The following ADAM12 variants were observed in gnomAD, a reference collection of about 807,000 sequenced individuals.
ADAM12 encodes the protein disintegrin and metalloproteinase domain-containing protein 12.
ADAM12 carries 70 observed loss-of-function variants against 106.4 expected under a neutral mutation model. The observed-to-expected ratio is 0.66, with a 90% confidence interval of 0.54 to 0.80. The LOEUF (loss-of-function observed/expected upper bound fraction) is 0.80. Among genes scored for constraint, ADAM12 ranks in the 30% least tolerant of loss-of-function variants. ADAM12 has a pLI of 0.00. For synonymous variants in ADAM12, 420 were observed against 433.5 expected, an observed-to-expected ratio of 0.97 and a Z score of 0.39; for missense variants, 1,010 against 1,171.9, an observed-to-expected ratio of 0.86 and a Z score of 2.02.
intron 21 of ADAM12, among the ~76,000 whole-genome samples, chr10:126,024,199 T>G (rs1164583999): frequency 6.6e-6 from 1 of 152,184 alleles, no homozygotes; most frequent in East Asian, 1.9e-4. Context: ...GGATACATAT[T>G]TATACAAAAA....
intron 1 of ADAM12, among the ~76,000 whole-genome samples, chr10:126,377,698 T>C (rs1244749382): frequency 6.6e-6 from 1 of 152,184 alleles, no homozygotes; most frequent in Non-Finnish European, 1.5e-5. Flanking sequence ...AAGTACGGGA[T>C]ACTGAGAACA....
intron 1 of ADAM12, among the ~76,000 whole-genome samples, chr10:126,336,716 G>A (rs923305418): frequency 6.6e-6 from 1 of 152,192 alleles, no homozygotes; most frequent in African/African-American, 2.4e-5. Flanking sequence ...GTGACACCAA[G>A]TGACACACAC....
intron 18 of ADAM12, chr10:126,041,658 A>G: frequency 1.0e-6 from 1 of 989,214 alleles, no homozygotes; most frequent in East Asian, 1.1e-4. Context: ...CTATTTTCAT[A>G]TAATAAATGC....
chr10:126,322,915 G>A (rs559928315), intron 2 of ADAM12, among the ~76,000 whole-genome samples: 35 of 152,114 alleles, frequency 2.3e-4, no homozygotes, highest in Non-Finnish European at 4.4e-4. Context: ...GGTTATATGA[G>A]GTCTGGTGCA....
At chr10:126,328,390 C>T (rs563350305) in intron 2 of ADAM12, among the ~76,000 whole-genome samples, 3 of 152,320 alleles carry the variant, frequency 2.0e-5, no homozygotes, top group African/African-American at 7.2e-5. Context: ...TGAAGATATA[C>T]TGCATGATTC....
At chr10:126,167,513 T>G (rs1957044887) in intron 3 of ADAM12, among the ~76,000 whole-genome samples, 1 of 152,244 alleles carries the variant, frequency 6.6e-6, no homozygotes, top group African/African-American at 2.4e-5. Flanking sequence ...AACGAGGAAC[T>G]GCATAAATCA....
chr10:126,118,438 G>C (rs1404969127), intron 5 of ADAM12, among the ~76,000 whole-genome samples: 5 of 152,090 alleles, frequency 3.3e-5, no homozygotes, highest in African/African-American at 1.2e-4. Context: ...ATTTTCTTCT[G>C]TTTGAAATAT....
intron 5 of ADAM12, among the ~76,000 whole-genome samples, chr10:126,121,339 C>T (rs1181588359): frequency 8.5e-6 from 1 of 117,340 alleles, no homozygotes; most frequent in East Asian, 2.4e-4. Flanking sequence ...TATATATTAT[C>T]TTACATGTAA....
chr10:126,256,920 A>AATGATGATG (rs35511415), intron 3 of ADAM12, among the ~76,000 whole-genome samples: 2 of 97,156 alleles, frequency 2.1e-5, no homozygotes, highest in Non-Finnish European at 4.4e-5. Flanking sequence ...TAATAATAAT[A>AATGATGATG]ATGATGATGA....
At chr10:126,125,920 T>C (rs1278313) in intron 5 of ADAM12, among the ~76,000 whole-genome samples, 118,507 of 150,976 alleles carry the variant, frequency 0.78, 46,853 homozygotes, top group African/African-American at 0.84. Flanking sequence ...AGTCAAGGCA[T>C]AGCAGGGATG....
rs770769845 is a variant in ADAM12, at chr10:126,101,084, G to A, written c.899C>T (p.Ala300Val). 5 of 1,613,806 alleles carry A rather than the reference G, an allele frequency of 3.1e-6. No individual in the cohort carries two copies. The highest frequency in any genetic ancestry group is 2.2e-5 in the South Asian group (2 of 91,036). ...KLLPRKSHDN[A>V]QLVSGVYFQG... is the part of the protein sequence containing the mutation. Reference sequence around the variant, plus strand: ...CGTAACTCCCTACCTGACAAGCTGCGCATTGTCATGGGATTTGCGAGGTAG... The same window carrying A: ...CGTAACTCCCTACCTGACAAGCTGCACATTGTCATGGGATTTGCGAGGTAG... The change falls in exon 9 of 23, where the codon GCG becomes GTG. Residue 300 changes from alanine to valine, a missense_variant. Transcript: ENST00000448723.
intron 2 of ADAM12, among the ~76,000 whole-genome samples, chr10:126,319,387 G>A (rs1208290747): frequency 1.3e-5 from 2 of 152,178 alleles, no homozygotes; most frequent in Non-Finnish European, 2.9e-5. Context: ...CATATGCACA[G>A]TATGTCCCCT....
intron 2 of ADAM12, among the ~76,000 whole-genome samples, chr10:126,288,421 G>C (rs1475085382): frequency 6.6e-6 from 1 of 152,100 alleles, no homozygotes; most frequent in African/African-American, 2.4e-5. Flanking sequence ...TTGGATCTTC[G>C]TGACAAAAAA....
At chr10:126,070,285 A>G (rs983772066) in intron 12 of ADAM12, 1 of 152,134 alleles carries the variant, frequency 6.6e-6, no homozygotes, top group African/African-American at 2.4e-5. Context: ...CCTCCAGACA[A>G]TGTCATTATC....
At chr10:126,307,418 A>G (rs1960895615) in intron 2 of ADAM12, among the ~76,000 whole-genome samples, 1 of 152,114 alleles carries the variant, frequency 6.6e-6, no homozygotes, top group South Asian at 2.1e-4. Flanking sequence ...CAATGGCACA[A>G]TCTCCACTCA....
In ADAM12 at chr10:126,341,738, C is replaced by T. The variant is rs1021038503; in HGVS notation, c.89-11229G>A. On this transcript the variant is annotated intron_variant, in intron 1 of 22. Coordinates refer to ENST00000448723, the MANE Select transcript of ADAM12 (RefSeq NM_001288973.2). ...TTCCTTCTCTGTTTAAGGATCCATG[C>T]CTGCTTCATTAGCTGAGGGGAAGCT... Among the ~76,000 whole-genome samples the T allele has an allele frequency of 4.6e-5, 7 of 152,220 alleles. No homozygotes were observed. The South Asian group carries it at 6.2e-4, about 14-fold the overall frequency.
intron 1 of ADAM12, among the ~76,000 whole-genome samples, chr10:126,382,698 G>A (rs185903869): frequency 1.4e-4 from 22 of 152,240 alleles, no homozygotes; most frequent in Non-Finnish European, 4.4e-5. Context: ...TATCAACAGA[G>A]AGCCAAAAAT....
intron 8 of ADAM12, among the ~76,000 whole-genome samples, 158 bp downstream of exon 8, chr10:126,108,435 C>T (rs550744458): frequency 1.3e-5 from 2 of 152,240 alleles, no homozygotes; most frequent in South Asian, 4.2e-4. Flanking sequence ...GAAGCTGCCC[C>T]AGGACCCAGG....
chr10:126,043,884 G>A lies in ADAM12; in HGVS notation c.1996-736C>T, dbSNP rs1014133521. On this transcript the variant is annotated intron_variant, in intron 17 of 22. Coordinates refer to ENST00000448723, the MANE Select transcript of ADAM12 (RefSeq NM_001288973.2). This position sits in a 1 kb window ranked among gnomAD's most constrained non-coding sequence, Gnocchi z 4.1. Reference sequence around the variant, plus strand: ...AATAAGAGAATGGTTCTGGCACGGCGGGAAAGGGAGACCAAGAAAGCCCGA... The same window carrying A: ...AATAAGAGAATGGTTCTGGCACGGCAGGAAAGGGAGACCAAGAAAGCCCGA... Among the ~76,000 whole-genome samples the A allele has an allele frequency of 1.3e-5, 2 of 152,172 alleles. No homozygotes were observed. Among genetic ancestry groups the A allele is most frequent in the Admixed American group, 6.5e-5 (1 of 15,284 alleles).
Sources: gnomAD v4.1 joint callset for allele counts (sites outside exome capture counted in the v4.1 genomes callset) on GRCh38, gnomAD v4.1.1 for gene constraint, Gnocchi (gnomAD v3.1) non-coding constraint, MANE v1.5 for transcripts, NCBI Gene and HGNC (gene_info 2026-07-23, HGNC 2026-07-21) for gene names.